The following TMC5 variants were observed in gnomAD, a reference collection of about 807,000 sequenced individuals.
The protein encoded by TMC5 is transmembrane channel-like protein 5.
In TMC5, 86 loss-of-function variants were observed where a neutral mutation model predicts 110.5. The ratio of observed to expected loss-of-function variants is 0.78; its 90% confidence interval spans 0.65 to 0.93. The LOEUF is 0.93. Among genes scored for constraint, TMC5 ranks in the 40% least tolerant of loss-of-function variants. The pLI is 0.00. For synonymous variants in TMC5, 455 were observed against 439.5 expected (o/e 1.04, Z -0.44); for missense variants, 1,144 against 1,222.8 (o/e 0.94, Z 0.96).
At chr16:19,457,605 G>A (rs1172585711) in intron 5 of TMC5, among the ~76,000 whole-genome samples, 2 of 150,466 alleles carry the variant, frequency 1.3e-5, no homozygotes, top group East Asian at 3.9e-4. Flanking sequence ...CCTTTGAGGT[G>A]GCATTTCCGT....
upstream of TMC5, chr16:19,417,671 A>G (rs62023757): frequency 0.058 from 8,901 of 152,286 alleles, 335 homozygotes; most frequent in East Asian, 0.12. Context: ...GGGAGGAGTT[A>G]GGGCTTAGGA....
intron 17 of TMC5, among the ~76,000 whole-genome samples, chr16:19,489,117 C>G (rs1275841887): frequency 2.0e-5 from 3 of 152,130 alleles, no homozygotes; most frequent in African/African-American, 4.8e-5. Context: ...CCTTGTTGCC[C>G]TATAGTTTCT....
upstream of TMC5, among the ~76,000 whole-genome samples, chr16:19,417,431 A>G (rs911489240): frequency 4.6e-5 from 7 of 151,648 alleles, no homozygotes; most frequent in Admixed American, 2.6e-4. Context: ...AAAAAAAAAA[A>G]AAAAAAAAAG....
chr16:19,434,379 TATATAATATAG>T (rs1967286578), intron 2 of TMC5, among the ~76,000 whole-genome samples: 2 of 45,150 alleles, frequency 4.4e-5, no homozygotes, highest in Admixed American at 2.7e-4. Flanking sequence ...TATAGATCTA[TATATAATATAG>T]ATATAATATA....
At chr16:19,433,604 G>A (rs1489773786) in intron 2 of TMC5, among the ~76,000 whole-genome samples, 1 of 152,098 alleles carries the variant, frequency 6.6e-6, no homozygotes, top group African/African-American at 2.4e-5. Flanking sequence ...TTCAGAAATT[G>A]ATCTTGGGAG....
intron 13 of TMC5, among the ~76,000 whole-genome samples, chr16:19,478,830 A>C (rs1423998436): frequency 1.3e-5 from 2 of 152,060 alleles, no homozygotes. Context: ...TCATCCATCC[A>C]TCCTTGGGCT....
intron 19 of TMC5, among the ~76,000 whole-genome samples, chr16:19,493,463 C>CTCTTTCTCTCTT (rs1555486903): frequency 1.6e-4 from 9 of 58,018 alleles, no homozygotes; most frequent in Non-Finnish European, 2.7e-4. Flanking sequence ...CTCTCTCTCT[C>CTCTTTCTCTCTT]TCTTTTTTTT....
At chr16:19,427,275 G>A (rs1967105130) in intron 1 of TMC5, among the ~76,000 whole-genome samples, 1 of 152,156 alleles carries the variant, frequency 6.6e-6, no homozygotes, top group Admixed American at 6.5e-5. Context: ...GCAACATGGT[G>A]AATTAAAGTT....
upstream of TMC5, among the ~76,000 whole-genome samples, chr16:19,413,417 G>A (rs1157225778): frequency 6.6e-6 from 1 of 151,022 alleles, no homozygotes; most frequent in Non-Finnish European, 1.5e-5. Flanking sequence ...CCAGCTACTC[G>A]GGAGGCTGAG....
At chr16:19,484,531 G>A (rs1968690986) in intron 15 of TMC5, among the ~76,000 whole-genome samples, 1 of 152,182 alleles carries the variant, frequency 6.6e-6, no homozygotes, top group Non-Finnish European at 1.5e-5. Flanking sequence ...GGAGGCTGAG[G>A]CAGGCAGATC....
At chr16:19,469,637 CG>C (rs1968275457) in intron 9 of TMC5, 43 bp from the exon 10 acceptor site, 1 of 1,610,124 alleles carries the variant, frequency 6.2e-7, no homozygotes, top group East Asian at 2.2e-5. Flanking sequence ...CTCCCAGTGA[CG>C]GCCATAATAA....
Position 19,473,155 on chromosome 16 carries a change from G to C in TMC5, c.1938+912G>C, listed in dbSNP as rs548213502. Among the ~76,000 whole-genome samples, 33 of 151,958 alleles carry C rather than the reference G, an allele frequency of 2.2e-4. No individual in the cohort carries two copies. The Middle Eastern group carries it at 0.01, about 47-fold the overall frequency. On this transcript the variant is annotated intron_variant, in intron 11 of 21. Transcript: ENST00000542583. ...GAGATCAGGAGTTTGAGACTAGCCT[G>C]GCCAACATGGTGAAACCCCGTCTCT...
upstream of TMC5, among the ~76,000 whole-genome samples, chr16:19,413,405 T>C (rs1305805298): frequency 1.3e-5 from 2 of 151,820 alleles, no homozygotes; most frequent in Admixed American, 6.6e-5. Context: ...ATGCCTGTGG[T>C]TCCAGCTACT....
intron 17 of TMC5, among the ~76,000 whole-genome samples, chr16:19,489,421 G>A (rs1420345364): frequency 2.0e-5 from 3 of 151,980 alleles, no homozygotes; most frequent in Admixed American, 6.6e-5. Flanking sequence ...TGCAAGCTCC[G>A]CCTCCCAGGT....
At chr16:19,473,924 G>A (rs1158711673) in intron 11 of TMC5, among the ~76,000 whole-genome samples, 4 of 152,134 alleles carry the variant, frequency 2.6e-5, no homozygotes, top group Non-Finnish European at 4.4e-5. Context: ...AAGTTTCAGT[G>A]AGCTGAGATC....
chr16:19,489,772 C>G (rs1392741685), intron 17 of TMC5, among the ~76,000 whole-genome samples: 1 of 151,140 alleles, frequency 6.6e-6, no homozygotes, highest in African/African-American at 2.4e-5. Context: ...GGCGAGCCAC[C>G]ATACTTGTCT....
At chr16:19,457,929 G>A (rs1163177405) in intron 5 of TMC5, among the ~76,000 whole-genome samples, 1 of 151,378 alleles carries the variant, frequency 6.6e-6, no homozygotes, top group Non-Finnish European at 1.5e-5. Flanking sequence ...TTACCATGTT[G>A]GCCAACCTTG....
At position 19,444,066 on chromosome 16, in the gene TMC5, C is replaced by T; in HGVS notation, c.789-15C>T. ...TACTCTTGGTTGGATAGTGATCCAT[C>T]ATTTTGGATTTTAGGGTGCTCAGCA... On this transcript the variant is annotated splice_polypyrimidine_tract_variant and intron_variant, in intron 3 of 21. Transcript: ENST00000542583. 1 of 1,610,100 alleles carries T rather than the reference C, an allele frequency of 6.2e-7. No homozygotes were observed. The highest frequency in any genetic ancestry group is 1.3e-5 in the African/African-American group (1 of 74,920).
intron 5 of TMC5, among the ~76,000 whole-genome samples, chr16:19,453,843 G>A (rs932253633): frequency 2.0e-5 from 3 of 152,082 alleles, no homozygotes; most frequent in African/African-American, 7.2e-5. Flanking sequence ...TGTGTCCCTA[G>A]GAAGCACCTG....
Sources: gnomAD v4.1 joint callset for allele counts (sites outside exome capture counted in the v4.1 genomes callset) on GRCh38, gnomAD v4.1.1 for gene constraint, MANE v1.5 for transcripts, NCBI Gene and HGNC (gene_info 2026-07-23, HGNC 2026-07-21) for gene names.